AP2M1: variants seen among roughly 807,000 people sequenced by gnomAD.
AP2M1 encodes the protein adaptor related protein complex 2 subunit mu 1, also known as AP-2 complex subunit mu.
Under a neutral mutation model 54.5 loss-of-function variants are expected in AP2M1, and 5 were observed. That is an observed-to-expected ratio of 0.09 (90% CI 0.05 to 0.19). The LOEUF is 0.19. Ranked by LOEUF, AP2M1 falls within the 10% of genes least tolerant of loss-of-function variation. The probability of loss-of-function intolerance (pLI) is 1.00; values close to 1 mark genes in which losing one functional copy is unlikely to be tolerated. For synonymous variants in AP2M1, 186 were observed against 208.2 expected (o/e 0.89, Z 0.92); for missense variants, 178 against 580.2 (o/e 0.31, Z 7.12).
At chr3:184,179,192 G>A (rs1440310270) in intron 3 of AP2M1, 70 bp downstream of exon 3, 4 of 1,566,364 alleles carry the variant, frequency 2.6e-6, no homozygotes, top group South Asian at 1.2e-5. Context: ...TGGCCTGAAG[G>A]TGGGTGTAGG....
chr3:184,181,588 C>G lies in AP2M1; in HGVS notation c.708-108C>G, dbSNP rs1034416361. 16 of 1,441,780 alleles carry G rather than the reference C, an allele frequency of 1.1e-5. No homozygotes were observed. The Admixed American group carries it at 1.6e-4, about 14-fold the overall frequency. 89.3% of individuals were successfully genotyped at this position (1,441,780 alleles called of 1,614,324 possible). On this transcript the variant is annotated intron_variant, in intron 7 of 11. Coordinates refer to ENST00000292807, the MANE Select transcript of AP2M1 (RefSeq NM_004068.4). This position sits in a 1 kb window ranked among gnomAD's most constrained non-coding sequence, Gnocchi z 5.7. Reference sequence around the variant, plus strand: ...GACCTCCGAGTCACAAAGCTGCATTCTAGCAGCTTTTCATAGTCTCTGGTG... The same window carrying G: ...GACCTCCGAGTCACAAAGCTGCATTGTAGCAGCTTTTCATAGTCTCTGGTG...
Position 184,181,455 on chromosome 3 carries a change from C to T in AP2M1, c.707+229C>T. 1 of 808,244 alleles carries T rather than the reference C, an allele frequency of 1.2e-6. No homozygotes were observed. 50.1% of individuals were successfully genotyped at this position (808,244 alleles called of 1,614,324 possible). On this transcript the variant is annotated intron_variant, in intron 7 of 11. Transcript: ENST00000292807. This position sits in a 1 kb window ranked among gnomAD's most constrained non-coding sequence, Gnocchi z 5.7. ...CCCTAGGACCAAGGCCTTTTCTGTA[C>T]ATACTGACAGCCTCTGCCCAGTGTG...
chr3:184,177,593 CTGGGGAG>C, intron 2 of AP2M1: 1 of 1,536,084 alleles, frequency 6.5e-7, no homozygotes, highest in Non-Finnish European at 8.7e-7. Flanking sequence ...GGCCCATTCC[CTGGGGAG>C]TGGCTGGAAG....
At chr3:184,175,200 T>C in intron 1 of AP2M1, 1 of 386,910 alleles carries the variant, frequency 2.6e-6, no homozygotes, top group Admixed American at 4.5e-5. Context: ...ATGAGAGGGA[T>C]ACCGCTTGGA....
chr3:184,175,221 A>C (rs966103787), intron 1 of AP2M1: 1 of 377,672 alleles, frequency 2.6e-6, no homozygotes, highest in Non-Finnish European at 4.7e-6. Context: ...ATCCTCCCAG[A>C]GCAGGAACGC....
chr3:184,183,669 G>C lies in AP2M1; in HGVS notation c.*53G>C. On this transcript the variant is annotated 3_prime_UTR_variant, in exon 12 of 12. Transcript: ENST00000292807. This position sits in a 1 kb window ranked among gnomAD's most constrained non-coding sequence, Gnocchi z 5.7. ...CCAGCCACCCTCCTCCACAGGTCCA[G>C]GTGCCGCTCCCTCCCCCACCACACA... The C allele has an allele frequency of 6.3e-7, 1 of 1,592,112 alleles. No individual in the cohort carries two copies. The highest frequency in any genetic ancestry group is 8.6e-7 in the Non-Finnish European group (1 of 1,167,096).
chr3:184,183,150 C>A lies in AP2M1; in HGVS notation c.1173+282C>A. 1 of 559,484 alleles carries A rather than the reference C, an allele frequency of 1.8e-6. No individual in the cohort carries two copies. The highest frequency in any genetic ancestry group is 3.2e-6 in the Non-Finnish European group (1 of 312,540). The allele number at this position is 559,484 out of a possible 1,614,324, so 34.7% of individuals were successfully genotyped here. A position where few individuals can be genotyped will look rare whatever the true frequency, so the allele number is the denominator to read the frequency against. ...GTAAGACACAAAGTTTACTTACAGACAGGATAATGGGCTGACTTTGCTTTG... is the reference window on the plus strand; with the variant it reads ...GTAAGACACAAAGTTTACTTACAGAAAGGATAATGGGCTGACTTTGCTTTG... On this transcript the variant is annotated intron_variant, in intron 11 of 11. Transcript: ENST00000292807. The surrounding 1 kb of genome is among the most constrained non-coding windows in gnomAD (Gnocchi z 5.7).
intron 1 of AP2M1, among the ~76,000 whole-genome samples, chr3:184,175,750 T>C (rs1329098201): frequency 6.6e-6 from 1 of 152,088 alleles, no homozygotes. Context: ...GGTTCTCGGG[T>C]GCCCTTCGCT....
At position 184,178,344 on chromosome 3, in the gene AP2M1, G is replaced by T; in HGVS notation, c.75-513G>T. The T allele has an allele frequency of 7.8e-7, 1 of 1,278,538 alleles. No homozygotes were observed. 79.2% of individuals were successfully genotyped at this position (1,278,538 alleles called of 1,614,324 possible). ...GGAGTTGGATCCTGGGCAAGAATGG[G>T]TAGCACAATTCCATGGCCCCTTGGT... On this transcript the variant is annotated intron_variant, in intron 2 of 11. Coordinates refer to ENST00000292807, the MANE Select transcript of AP2M1 (RefSeq NM_004068.4). This position sits in a 1 kb window ranked among gnomAD's most constrained non-coding sequence, Gnocchi z 4.9.
At chr3:184,177,533 CCTTTCT>C in intron 2 of AP2M1, 1 of 1,535,680 alleles carries the variant, frequency 6.5e-7, no homozygotes, top group Non-Finnish European at 8.7e-7. Context: ...TCTCCTGCTC[CCTTTCT>C]CAGGAGTCGT....
intron 1 of AP2M1, among the ~76,000 whole-genome samples, chr3:184,175,989 G>A (rs558954951): frequency 3.0e-4 from 46 of 152,274 alleles, no homozygotes; most frequent in African/African-American, 1.1e-3. Context: ...GCTAATCCAG[G>A]AAATCTAAAA....
rs1008270810 is a variant in AP2M1 at position 184,179,180 on chromosome 3, C to A, written c.340+58C>A. The A allele has an allele frequency of 5.7e-6, 9 of 1,590,044 alleles. No homozygotes were observed. In the African/African-American group the frequency reaches 9.4e-5, roughly 17 times the overall value. On this transcript the variant is annotated intron_variant, in intron 3 of 11. Coordinates refer to ENST00000292807, the MANE Select transcript of AP2M1 (RefSeq NM_004068.4). ...TAGGGTGGGAAAAAACCAGGCTGGG[C>A]CTGGCCTGAAGGTGGGTGTAGGTCC...
In AP2M1 at chr3:184,178,250, A is replaced by G. The variant is rs1271655460; in HGVS notation, c.75-607A>G. The G allele has an allele frequency of 1.3e-6, 2 of 1,535,732 alleles. No homozygotes were observed. The highest frequency in any genetic ancestry group is 1.7e-4 in the Middle Eastern group (1 of 5,988). On this transcript the variant is annotated intron_variant, in intron 2 of 11. Coordinates refer to ENST00000292807, the MANE Select transcript of AP2M1 (RefSeq NM_004068.4). This position sits in a 1 kb window ranked among gnomAD's most constrained non-coding sequence, Gnocchi z 4.9. ...TAAGCGGCCTCTCAAGCTGCTGCCC[A>G]GGTACAGGTGGGTGGGGGCCTGCCC...
rs547671024 is a variant in AP2M1, at chr3:184,182,373, G to A, written c.1061+125G>A. The A allele has an allele frequency of 1.9e-6, 2 of 1,027,342 alleles. No homozygotes were observed. The highest frequency in any genetic ancestry group is 5.3e-5 in the Admixed American group (2 of 37,892). The allele number at this position is 1,027,342 out of a possible 1,614,324, so 63.6% of individuals were successfully genotyped here. On this transcript the variant is annotated intron_variant, in intron 10 of 11. Transcript: ENST00000292807. This position sits in a 1 kb window ranked among gnomAD's most constrained non-coding sequence, Gnocchi z 5.5. ...CCTGTTTGCTTTTCTAGGAGCCTCTGCTTGTACTGTCAGTCTTTATACCTC... is the reference window on the plus strand; with the variant it reads ...CCTGTTTGCTTTTCTAGGAGCCTCTACTTGTACTGTCAGTCTTTATACCTC...
At position 184,174,886 on chromosome 3, in the gene AP2M1, G is replaced by T. The variant is rs35242464; in HGVS notation, c.-117G>T. The T allele has an allele frequency of 5.0e-6, 2 of 398,366 alleles. No individual in the cohort carries two copies. Among genetic ancestry groups the T allele is most frequent in the East Asian group, 3.6e-5 (1 of 28,092 alleles). 24.7% of individuals were successfully genotyped at this position (398,366 alleles called of 1,614,324 possible). ...GTGAAAGCCGAGGCAGCGGGCAGACGAGCAGGGGGCGGGCGGACATCTTGG... is the reference window on the plus strand; with the variant it reads ...GTGAAAGCCGAGGCAGCGGGCAGACTAGCAGGGGGCGGGCGGACATCTTGG... On this transcript the variant is annotated 5_prime_UTR_variant, in exon 1 of 12. Coordinates refer to ENST00000292807, the MANE Select transcript of AP2M1 (RefSeq NM_004068.4).
rs1216655777 is a variant in AP2M1 at position 184,181,559 on chromosome 3, G to T, written c.708-137G>T. Reference sequence around the variant, plus strand: ...GCTTCCCTCTCATCCCAAGCTCTGGGGCAGACCTCCGAGTCACAAAGCTGC... The same window carrying T: ...GCTTCCCTCTCATCCCAAGCTCTGGTGCAGACCTCCGAGTCACAAAGCTGC... On this transcript the variant is annotated intron_variant, in intron 7 of 11. Coordinates refer to ENST00000292807, the MANE Select transcript of AP2M1 (RefSeq NM_004068.4). The surrounding 1 kb of genome is among the most constrained non-coding windows in gnomAD (Gnocchi z 5.7). 1.6e-6 allele frequency: 2 copies of T among 1,248,626 alleles called. No individual in the cohort carries two copies. The highest frequency in any genetic ancestry group is 4.1e-5 in the Admixed American group (2 of 49,250). 77.3% of individuals were successfully genotyped at this position (1,248,626 alleles called of 1,614,324 possible).
chr3:184,181,512 C>T lies in AP2M1; in HGVS notation c.708-184C>T, dbSNP rs895441498. 1 of 896,678 alleles carries T rather than the reference C, an allele frequency of 1.1e-6. No homozygotes were observed. The highest frequency in any genetic ancestry group is 2.7e-5 in the Admixed American group (1 of 37,234). The allele number at this position is 896,678 out of a possible 1,614,324, so 55.5% of individuals were successfully genotyped here. The stretch of plus-strand genomic sequence containing the variant: ...ACACCCAGGTCCCTAGCAGAAGGAG[C>T]CCCAAGAGATGAGCTTGCAAGGCTT... On this transcript the variant is annotated intron_variant, in intron 7 of 11. Transcript: ENST00000292807. The surrounding 1 kb of genome is among the most constrained non-coding windows in gnomAD (Gnocchi z 5.7).
intron 1 of AP2M1, 160 bp downstream of exon 1, chr3:184,175,119 G>GGGGCGCCCGGGGCGC: frequency 2.5e-6 from 1 of 395,870 alleles, no homozygotes; most frequent in South Asian, 1.4e-4. Context: ...CGGTGGGGCG[G>GGGGCGCCCGGGGCGC]GGGCGCCCGG....
Position 184,181,137 on chromosome 3 carries a change from G to A in AP2M1, c.618G>A (p.Leu206=). The change falls in exon 7 of 12, where the codon CTG becomes CTA. Residue 206 remains leucine (L), a synonymous_variant. Coordinates refer to ENST00000292807, the MANE Select transcript of AP2M1 (RefSeq NM_004068.4). This position sits in a 1 kb window ranked among gnomAD's most constrained non-coding sequence, Gnocchi z 5.7. The part of the protein sequence containing the change: ...VSGRVVMKSY[L]SGMPECKFGM... ...GCCGGGTGGTGATGAAGAGCTACCTGAGTGGCATGCCTGAATGCAAGTTTG... is the reference window on the plus strand; with the variant it reads ...GCCGGGTGGTGATGAAGAGCTACCTAAGTGGCATGCCTGAATGCAAGTTTG... The A allele has an allele frequency of 6.2e-7, 1 of 1,614,194 alleles. No individual in the cohort carries two copies. The highest frequency in any genetic ancestry group is 8.5e-7 in the Non-Finnish European group (1 of 1,180,050).
Sources: gnomAD v4.1 joint callset for allele counts (sites outside exome capture counted in the v4.1 genomes callset) on GRCh38, gnomAD v4.1.1 for gene constraint, Gnocchi (gnomAD v3.1) non-coding constraint, MANE v1.5 for transcripts, NCBI Gene and HGNC (gene_info 2026-07-23, HGNC 2026-07-21) for gene names.